ANKFY1: variants seen among roughly 807,000 people sequenced by gnomAD.
ANKFY1 encodes the protein ankyrin repeat and FYVE domain containing 1, also known as ankyrin repeat and FYVE domain-containing protein 1.
Under a neutral mutation model 128.3 loss-of-function variants are expected in ANKFY1, and 47 were observed. The observed-to-expected ratio is 0.37, with a 90% confidence interval of 0.29 to 0.47. The LOEUF (loss-of-function observed/expected upper bound fraction) is 0.47. Ranked by LOEUF, ANKFY1 falls within the 20% of genes least tolerant of loss-of-function variation. The pLI is 1.00. For missense variants in ANKFY1, 1,222 were observed against 1,510.6 expected (o/e 0.81, Z 3.17); for synonymous variants, 553 against 601.6 (o/e 0.92, Z 1.18).
rs1470223065 is a variant in ANKFY1 at position 4,194,101 on chromosome 17, A to ATT, written c.1372+876_1372+877insAA. Among the ~76,000 whole-genome samples, 6 of 93,322 alleles carry ATT rather than the reference A, an allele frequency of 6.4e-5. No homozygotes were observed. The South Asian group carries it at 1.4e-3, about 21-fold the overall frequency. 61.2% of individuals were successfully genotyped at this position (93,322 alleles called of 152,430 possible). On this transcript the variant is annotated intron_variant, in intron 10 of 24. Transcript: ENST00000341657. ...CACGCCCGGCCATATATATATATAT[A>ATT]TATTTTTTTTTTTTTTTTTTTTTTG...
intron 3 of ANKFY1, among the ~76,000 whole-genome samples, chr17:4,232,135 A>G (rs1434459522): frequency 6.6e-6 from 1 of 152,186 alleles, no homozygotes; most frequent in Non-Finnish European, 1.5e-5. Flanking sequence ...GAAAAAACAA[A>G]ACACCAATAA....
intron 3 of ANKFY1, chr17:4,222,856 AGAC>A: frequency 2.1e-6 from 2 of 958,832 alleles, no homozygotes; most frequent in Non-Finnish European, 3.4e-6. Flanking sequence ...CCATCCACCC[AGAC>A]GACTCAGTAT....
At chr17:4,240,230 A>C (rs1044280940) in intron 2 of ANKFY1, among the ~76,000 whole-genome samples, 1 of 150,944 alleles carries the variant, frequency 6.6e-6, no homozygotes, top group African/African-American at 2.4e-5. Flanking sequence ...ACACCTAGCT[A>C]ATTTTTTTTA....
chr17:4,255,880 C>T (rs768879333), intron 1 of ANKFY1, among the ~76,000 whole-genome samples: 18 of 151,658 alleles, frequency 1.2e-4, no homozygotes, highest in East Asian at 2.0e-4. Context: ...TGCAATGGCG[C>T]GATCTCAGCT....
intron 3 of ANKFY1, chr17:4,223,110 C>A: frequency 1.4e-6 from 1 of 737,818 alleles, no homozygotes. Context: ...TAAAGAAAAA[C>A]AAGCATTGGT....
chr17:4,216,837 G>T, intron 4 of ANKFY1, 146 bp downstream of exon 4: 1 of 1,108,510 alleles, frequency 9.0e-7, no homozygotes, highest in Non-Finnish European at 1.3e-6. Context: ...AGCAAGGGAG[G>T]TAACATCTGT....
intron 4 of ANKFY1, among the ~76,000 whole-genome samples, chr17:4,212,098 G>C (rs1567948844): frequency 6.6e-6 from 1 of 152,120 alleles, no homozygotes; most frequent in Non-Finnish European, 1.5e-5. Flanking sequence ...AGGCCCATGG[G>C]GAAAAGGTGG....
At chr17:4,195,860 C>T (rs1388256425) in intron 8 of ANKFY1, among the ~76,000 whole-genome samples, 1 of 152,044 alleles carries the variant, frequency 6.6e-6, no homozygotes, top group Non-Finnish European at 1.5e-5. Context: ...TTCTCAAACA[C>T]ACTCAGAGCA....
intron 3 of ANKFY1, chr17:4,222,805 A>G: frequency 1.0e-6 from 1 of 999,496 alleles, no homozygotes; most frequent in African/African-American, 1.6e-5. Flanking sequence ...GAACTGGATG[A>G]CAGCATTAGT....
At chr17:4,176,720 A>G (rs1001870981) in intron 19 of ANKFY1, among the ~76,000 whole-genome samples, 2 of 152,216 alleles carry the variant, frequency 1.3e-5, no homozygotes, top group Non-Finnish European at 2.9e-5. Context: ...CGGGGGTAAA[A>G]TTCTTTCTCG....
intron 11 of ANKFY1, chr17:4,188,658 T>C (rs1053757235): frequency 6.6e-6 from 1 of 152,076 alleles, no homozygotes; most frequent in Non-Finnish European, 1.5e-5. Flanking sequence ...CTGAAAATAA[T>C]AAAGTAAAAA....
chr17:4,260,599 C>T (rs1054847324), intron 1 of ANKFY1, among the ~76,000 whole-genome samples: 4 of 113,732 alleles, frequency 3.5e-5, no homozygotes, highest in South Asian at 3.0e-4. Flanking sequence ...GCCTGGGTGA[C>T]GGAGTGAGAT....
At chr17:4,215,373 C>A (rs1420392374) in intron 4 of ANKFY1, among the ~76,000 whole-genome samples, 2 of 151,914 alleles carry the variant, frequency 1.3e-5, no homozygotes, top group African/African-American at 4.8e-5. Context: ...CTGATGCTTA[C>A]TATAAAAACT....
intron 3 of ANKFY1, among the ~76,000 whole-genome samples, chr17:4,233,760 T>C (rs1007987477): frequency 1.3e-5 from 2 of 152,342 alleles, no homozygotes; most frequent in African/African-American, 2.4e-5. Context: ...TCTGAAATGA[T>C]TTGTGAATGG....
chr17:4,196,378 C>CT (rs34081745), intron 8 of ANKFY1, among the ~76,000 whole-genome samples: 17 of 151,544 alleles, frequency 1.1e-4, no homozygotes, highest in African/African-American at 3.6e-4. Flanking sequence ...TACAAAAAAT[C>CT]TTTTTTTTGA....
chr17:4,209,966 C>A lies in ANKFY1; in HGVS notation c.459-19G>T. ...CTCACATCTGTAAGAGAGTATTCAT[C>A]ATGAGGAGTATTACTGGACAAATAA... On this transcript the variant is annotated intron_variant, in intron 4 of 24. Coordinates refer to ENST00000341657, the MANE Select transcript of ANKFY1 (RefSeq NM_001330063.2). The A allele has an allele frequency of 6.2e-7, 1 of 1,600,774 alleles. No individual in the cohort carries two copies. Among genetic ancestry groups the A allele is most frequent in the South Asian group, 1.1e-5 (1 of 90,454 alleles).
chr17:4,177,086 G>C (rs1598014684), intron 19 of ANKFY1, 40 bp downstream of exon 19: 1 of 1,502,070 alleles, frequency 6.7e-7, no homozygotes, highest in Non-Finnish European at 8.9e-7. Flanking sequence ...AATATGCTTT[G>C]ACAACATATT....
intron 4 of ANKFY1, among the ~76,000 whole-genome samples, chr17:4,215,768 T>C (rs1283056883): frequency 6.6e-6 from 1 of 152,174 alleles, no homozygotes; most frequent in Non-Finnish European, 1.5e-5. Context: ...CCCCAAGACA[T>C]TTTTACAAAA....
chr17:4,209,866 G>C lies in ANKFY1; in HGVS notation c.540C>G (p.Ser180Arg), dbSNP rs1367805659. Residue 180 changes from serine (S) to arginine (R), a missense_variant, in exon 5 of 25, where the codon AGC becomes AGG. Coordinates refer to ENST00000341657, the MANE Select transcript of ANKFY1 (RefSeq NM_001330063.2). ...TTTCTGCACAGTAGTTCATCAGTGT[G>C]CTGGCATTCAGCTCCTCTGCCGTCT... ...FYQTAEELNA[S>R]TLMNYCAEII... The C allele has an allele frequency of 3.7e-6, 6 of 1,613,908 alleles. No individual in the cohort carries two copies. Among genetic ancestry groups the C allele is most frequent in the Non-Finnish European group, 5.1e-6 (6 of 1,179,930 alleles).
Sources: gnomAD v4.1 joint callset for allele counts (sites outside exome capture counted in the v4.1 genomes callset) on GRCh38, gnomAD v4.1.1 for gene constraint, MANE v1.5 for transcripts, NCBI Gene and HGNC (gene_info 2026-07-23, HGNC 2026-07-21) for gene names.